ESR1: variants seen among roughly 807,000 people sequenced by gnomAD.
ESR1 encodes the protein estrogen receptor.
ESR1 carries 12 observed loss-of-function variants against 52.7 expected under a neutral mutation model. That is an observed-to-expected ratio of 0.23 (90% CI 0.15 to 0.37). The LOEUF is 0.37. ESR1 is among the 10% of genes least tolerant of loss of function. The probability of loss-of-function intolerance (pLI) is 1.00; values close to 1 mark genes in which losing one functional copy is unlikely to be tolerated. For synonymous variants in ESR1, 305 were observed against 316.8 expected (o/e 0.96, Z 0.39); for missense variants, 584 against 779.7 (o/e 0.75, Z 2.99).
At chr6:151,666,183 T>G (rs1777815489) in intron 1 of ESR1, among the ~76,000 whole-genome samples, 2 of 152,152 alleles carry the variant, frequency 1.3e-5, no homozygotes, top group South Asian at 4.1e-4. Context: ...AATTAAATCT[T>G]AGGTTTGGAG....
At chr6:152,024,176 C>T (rs1283462485) in intron 5 of ESR1, among the ~76,000 whole-genome samples, 3 of 152,136 alleles carry the variant, frequency 2.0e-5, no homozygotes, top group Non-Finnish European at 4.4e-5. Flanking sequence ...CTTAATTACA[C>T]AGTAAATTTC....
chr6:151,784,264 A>T (rs75854132), intron 2 of ESR1, among the ~76,000 whole-genome samples: 4 of 152,190 alleles, frequency 2.6e-5, no homozygotes, highest in Admixed American at 1.3e-4. Flanking sequence ...AGATTTGTCT[A>T]TTCTCCCCTA....
chr6:151,685,258 C>T (rs564681673), intron 1 of ESR1, among the ~76,000 whole-genome samples: 165 of 150,860 alleles, frequency 1.1e-3, no homozygotes, highest in African/African-American at 3.7e-3. Flanking sequence ...CTCAGCCTCC[C>T]GAGTAGCTGG....
intron 2 of ESR1, among the ~76,000 whole-genome samples, chr6:151,713,149 T>G (rs982968542): frequency 2.0e-5 from 3 of 152,230 alleles, no homozygotes; most frequent in Non-Finnish European, 2.9e-5. Flanking sequence ...TTTACTGATT[T>G]GTGTATGTTG....
intron 3 of ESR1, among the ~76,000 whole-genome samples, chr6:151,923,395 T>A (rs1444896869): frequency 6.6e-6 from 1 of 152,200 alleles, no homozygotes; most frequent in Non-Finnish European, 1.5e-5. Context: ...ATTATAGTAA[T>A]ATAGTTCCTA....
intron 2 of ESR1, among the ~76,000 whole-genome samples, chr6:151,736,859 C>A (rs552726558): frequency 5.9e-5 from 9 of 152,182 alleles, no homozygotes; most frequent in Non-Finnish European, 1.3e-4. Flanking sequence ...GGCACGCTGG[C>A]TCCTGAGTCC....
chr6:152,019,024 A>T (rs2128808854), intron 5 of ESR1, among the ~76,000 whole-genome samples: 1 of 152,328 alleles, frequency 6.6e-6, no homozygotes, highest in Non-Finnish European at 1.5e-5. Flanking sequence ...GCTCAGCTGC[A>T]GATACCACTT....
intron 4 of ESR1, among the ~76,000 whole-genome samples, chr6:151,996,709 A>G (rs2041518736): frequency 6.6e-6 from 1 of 152,144 alleles, no homozygotes; most frequent in African/African-American, 2.4e-5. Context: ...TTTGAGGTTC[A>G]TCCATCTCAA....
chr6:152,018,468 C>T (rs974952230), intron 5 of ESR1, among the ~76,000 whole-genome samples: 7 of 151,560 alleles, frequency 4.6e-5, no homozygotes, highest in Admixed American at 1.3e-4. Context: ...AATTCATCCA[C>T]GTGTGTTTTT....
chr6:152,060,011 A>G (rs2047421349), intron 5 of ESR1, among the ~76,000 whole-genome samples: 1 of 152,190 alleles, frequency 6.6e-6, no homozygotes, highest in Non-Finnish European at 1.5e-5. Context: ...GCATGCAGAA[A>G]ATATTTTAAC....
At chr6:151,824,159 C>A (rs1297296284) in intron 1 of ESR1, among the ~76,000 whole-genome samples, 2 of 152,092 alleles carry the variant, frequency 1.3e-5, no homozygotes, top group African/African-American at 4.8e-5. Flanking sequence ...TTAATGATTG[C>A]CATTCTAACT....
intron 2 of ESR1, among the ~76,000 whole-genome samples, chr6:151,737,370 C>T (rs1369030628): frequency 2.6e-5 from 4 of 152,104 alleles, no homozygotes; most frequent in African/African-American, 9.7e-5. Context: ...TGTTTCAAGT[C>T]CCATTAATGC....
chr6:152,126,285 T>C (rs2053415399), exon 7 of ESR1: 1 of 152,200 alleles, frequency 6.6e-6, no homozygotes, highest in Non-Finnish European at 1.5e-5. Context: ...TGCCCAAAGC[T>C]GCCTCATCTT....
intron 1 of ESR1, among the ~76,000 whole-genome samples, chr6:151,825,794 C>T (rs1025631058): frequency 2.7e-5 from 4 of 150,736 alleles, no homozygotes; most frequent in Admixed American, 6.7e-5. Context: ...TGCCTGTAAT[C>T]GAGCTCTTCG....
intron 2 of ESR1, among the ~76,000 whole-genome samples, chr6:151,706,836 T>TA (rs777644947): frequency 6.6e-6 from 1 of 152,080 alleles, no homozygotes; most frequent in Non-Finnish European, 1.5e-5. Flanking sequence ...AGAAGTAAAA[T>TA]AAAAAAACAG....
At chr6:151,686,775 TC>T (rs1778705974), upstream of ESR1, among the ~76,000 whole-genome samples, 1 of 152,010 alleles carries the variant, frequency 6.6e-6, no homozygotes, top group Non-Finnish European at 1.5e-5. Context: ...AGCTAAACAC[TC>T]TTAGGTTACA....
At chr6:152,040,868 G>A (rs1048460462) in intron 5 of ESR1, among the ~76,000 whole-genome samples, 3 of 152,180 alleles carry the variant, frequency 2.0e-5, no homozygotes, top group African/African-American at 7.2e-5. Flanking sequence ...GGGACCATGG[G>A]CATTTGAGCT....
intron 3 of ESR1, among the ~76,000 whole-genome samples, chr6:151,924,230 A>G (rs1353865109): frequency 1.3e-5 from 2 of 151,988 alleles, no homozygotes; most frequent in African/African-American, 4.8e-5. Context: ...TTTAGTAGAG[A>G]TGGGGTTTCA....
At chr6:151,811,034 TCCCGA>T (rs1778755192) in intron 1 of ESR1, 1 of 152,224 alleles carries the variant, frequency 6.6e-6, no homozygotes, top group Non-Finnish European at 1.5e-5. Flanking sequence ...TGGACTGTCC[TCCCGA>T]GTGTCCCACT....
Sources: gnomAD v4.1 joint callset for allele counts (sites outside exome capture counted in the v4.1 genomes callset) on GRCh38, gnomAD v4.1.1 for gene constraint, MANE v1.5 for transcripts, NCBI Gene and HGNC (gene_info 2026-07-23, HGNC 2026-07-21) for gene names.